The following GIGYF2 variants were observed in gnomAD, a reference collection of about 807,000 sequenced individuals.
GIGYF2 encodes GRB10 interacting GYF protein 2.
Under a neutral mutation model 208.1 loss-of-function variants are expected in GIGYF2, and 25 were observed. The ratio of observed to expected loss-of-function variants is 0.12; its 90% CI spans 0.09 to 0.17. The LOEUF is 0.17. GIGYF2 is among the 10% of genes least tolerant of loss of function. The pLI is 1.00. For synonymous variants in GIGYF2, 534 were observed against 543.8 expected (o/e 0.98, Z 0.25); for missense variants, 1,302 against 1,579.4 (o/e 0.82, Z 2.98).
chr2:232,797,362 G>A (rs1700253423), intron 14 of GIGYF2, among the ~76,000 whole-genome samples: 1 of 152,022 alleles, frequency 6.6e-6, no homozygotes, highest in South Asian at 2.1e-4. Context: ...TCTCTCCAAT[G>A]AATTAACTCC....
At chr2:232,855,080 CTTTTTTTTTTTTT>C (rs201395041) in intron 28 of GIGYF2, among the ~76,000 whole-genome samples, 2 of 109,180 alleles carry the variant, frequency 1.8e-5, no homozygotes, top group Non-Finnish European at 3.5e-5. Flanking sequence ...CTTTTTCTTT[CTTTTTTTTTTTTT>C]TTTTTTTTTT....
intron 4 of GIGYF2, 31 bp downstream of exon 4, chr2:232,747,775 T>C: frequency 6.2e-7 from 1 of 1,600,748 alleles, no homozygotes. Context: ...TTCAAAATTG[T>C]GAATGAGACT....
At position 232,806,720 on chromosome 2, in the gene GIGYF2, A is replaced by G. The variant is rs1205713668; in HGVS notation, c.1806+63A>G. On this transcript the variant is annotated intron_variant, in intron 15 of 28. Transcript: ENST00000373563. This position sits in a 1 kb window ranked among gnomAD's most constrained non-coding sequence, Gnocchi z 4.0. ...CACGGAAACACTTGATTCTCTTTGAAAACACAACCCAAATATATCATCTAA... is the reference window on the plus strand; with the variant it reads ...CACGGAAACACTTGATTCTCTTTGAGAACACAACCCAAATATATCATCTAA... The G allele has an allele frequency of 9.1e-7, 1 of 1,097,810 alleles. No individual in the cohort carries two copies. Among genetic ancestry groups the G allele is most frequent in the African/African-American group, 1.5e-5 (1 of 65,088 alleles). 68.0% of individuals were successfully genotyped at this position (1,097,810 alleles called of 1,614,324 possible).
rs113983754 is a variant in GIGYF2, at chr2:232,754,803, G to A, written c.268-1420G>A. 6.5e-4 allele frequency among the ~76,000 whole-genome samples: 99 copies of A among 151,574 alleles called. 1 individual carries two copies. The highest frequency in any genetic ancestry group is 2.0e-3 in the African/African-American group (82 of 41,346). On this transcript the variant is annotated intron_variant, in intron 5 of 28. Transcript: ENST00000373563. ...AATAGAAATATAATTTTTGAGTTTG[G>A]TGTCTTTTATTTTTAGTTGTCAAAT...
chr2:232,815,917 T>C, intron 19 of GIGYF2, 180 bp downstream of exon 19: 1 of 584,940 alleles, frequency 1.7e-6, no homozygotes, highest in Non-Finnish European at 3.1e-6. Flanking sequence ...AAAAAAAAAC[T>C]CAAAACAGAA....
chr2:232,839,909 A>G lies in GIGYF2; in HGVS notation c.2827A>G (p.Thr943Ala), dbSNP rs896207829. ...SNTTACQSQATLSLAEIQKLE... is the reference protein window; with the variant it reads ...SNTTACQSQAALSLAEIQKLE... ...TACAACAGCATGTCAGTCCCAGGCC[A>G]CGCTGTCGTTGGCTGAAATCCAAAA... The change falls in exon 23 of 29, where the codon ACG (threonine) becomes GCG (alanine). Residue 943 changes from threonine to alanine, a missense_variant. Coordinates refer to ENST00000373563, the MANE Select transcript of GIGYF2 (RefSeq NM_001103146.3). 1.2e-6 allele frequency: 2 copies of G among 1,614,012 alleles called. No homozygotes were observed. Among genetic ancestry groups the G allele is most frequent in the Non-Finnish European group, 8.5e-7 (1 of 1,179,886 alleles).
chr2:232,819,842 C>T lies in GIGYF2; in HGVS notation c.2386C>T (p.Arg796Cys), dbSNP rs766102116. 4.3e-5 allele frequency: 59 copies of T among 1,372,166 alleles called. No individual in the cohort carries two copies. The highest frequency in any genetic ancestry group is 1.8e-4 in the East Asian group (5 of 27,118). The allele number at this position is 1,372,166 out of a possible 1,614,324, so 85.0% of individuals were successfully genotyped here. Residue 796 changes from arginine to cysteine, a missense_variant, in exon 21 of 29, where the codon CGC (arginine) becomes TGC (cysteine). Arg to Cys is a radical substitution (Grantham distance 180). Transcript: ENST00000373563. ...TTTTCCTTAGGAAGAGGCTCTGCGTCGCCAGCGGGAGCAAGAAATTGCATT... is the reference window on the plus strand; with the variant it reads ...TTTTCCTTAGGAAGAGGCTCTGCGTTGCCAGCGGGAGCAAGAAATTGCATT... The part of the protein sequence containing the change: ...ARRKQEEALR[R>C]QREQEIALRR...
In GIGYF2 at chr2:232,787,315, G is replaced by C; in HGVS notation, c.698G>C (p.Arg233Pro). 1 of 1,613,812 alleles carries C rather than the reference G, an allele frequency of 6.2e-7. No homozygotes were observed. The highest frequency in any genetic ancestry group is 1.7e-5 in the Admixed American group (1 of 60,010). The change falls in exon 9 of 29, where the codon CGA becomes CCA. Residue 233 changes from arginine to proline, a missense_variant. By Grantham distance (103) the Arg-to-Pro change is moderately radical (BLOSUM62 -2). Coordinates refer to ENST00000373563, the MANE Select transcript of GIGYF2 (RefSeq NM_001103146.3). ...TCAAGGAGGGATGGAGAGAGGTGGC[G>C]ACCTCACAGTCCTGGTAAGAATTCT... ...AGSRRDGERWRPHSPDGPRSA... is the reference protein window; with the variant it reads ...AGSRRDGERWPPHSPDGPRSA...
chr2:232,706,626 A>T (rs1403721582), intron 2 of GIGYF2, among the ~76,000 whole-genome samples: 2 of 151,984 alleles, frequency 1.3e-5, no homozygotes, highest in Admixed American at 1.3e-4. Context: ...AAAAATACAA[A>T]AATTAGCCGG....
chr2:232,744,984 C>T (rs1267124492), intron 3 of GIGYF2, among the ~76,000 whole-genome samples: 1 of 152,116 alleles, frequency 6.6e-6, no homozygotes, highest in Non-Finnish European at 1.5e-5. Context: ...AGCTAGTTCA[C>T]GTGTGAAATT....
In GIGYF2 at chr2:232,756,269, C is replaced by T; in HGVS notation, c.314C>T (p.Thr105Ile). ...SVNSAAVLRL[T>I]GRGGGGTVVG... ...AATAGTGCTGCTGTCCTGCGATTGA[C>T]AGGACGAGGAGGAGGAGGAACAGTG... Residue 105 changes from threonine (T) to isoleucine (I), a missense_variant, in exon 6 of 29, where the codon ACA (threonine) becomes ATA (isoleucine). Around this residue, in one of 8 missense-constraint regions of GIGYF2, gnomAD observed 189 missense variants for 257.7 expected, o/e 0.73. Transcript: ENST00000373563. 1 of 1,573,056 alleles carries T rather than the reference C, an allele frequency of 6.4e-7. No homozygotes were observed. The highest frequency in any genetic ancestry group is 8.6e-7 in the Non-Finnish European group (1 of 1,165,004).
At chr2:232,770,489 A>G (rs912457217) in intron 8 of GIGYF2, among the ~76,000 whole-genome samples, 1 of 152,254 alleles carries the variant, frequency 6.6e-6, no homozygotes, top group Non-Finnish European at 1.5e-5. Context: ...CAGTGAAGAA[A>G]AAAAACCAAA....
intron 8 of GIGYF2, among the ~76,000 whole-genome samples, chr2:232,769,097 T>C (rs115509509): frequency 6.6e-6 from 1 of 152,140 alleles, no homozygotes; most frequent in Non-Finnish European, 1.5e-5. Context: ...AGTCAAAGAA[T>C]TGGTCATTTC....
intron 27 of GIGYF2, among the ~76,000 whole-genome samples, chr2:232,848,315 A>G (rs993949698): frequency 2.0e-5 from 3 of 152,136 alleles, no homozygotes; most frequent in African/African-American, 4.8e-5. Flanking sequence ...AGGAACAACA[A>G]CCAGTTCTTC....
chr2:232,728,121 A>AG (rs1697293166), intron 2 of GIGYF2, among the ~76,000 whole-genome samples: 1 of 152,038 alleles, frequency 6.6e-6, no homozygotes, highest in Admixed American at 6.6e-5. Context: ...ATTCTAAGGG[A>AG]GGGAGGTCAG....
intron 18 of GIGYF2, 151 bp downstream of exon 18, chr2:232,812,642 A>T: frequency 1.6e-6 from 1 of 616,958 alleles, no homozygotes; most frequent in Non-Finnish European, 2.9e-6. Flanking sequence ...GATCCAAGCA[A>T]TATTGAAGGT....
chr2:232,840,095 C>G (rs1701772774), intron 23 of GIGYF2, 124 bp downstream of exon 23: 1 of 1,013,332 alleles, frequency 9.9e-7, no homozygotes, highest in Non-Finnish European at 1.5e-6. Flanking sequence ...ATTGGACGTT[C>G]ATTATTAAAC....
chr2:232,723,009 A>G (rs1697013345), intron 2 of GIGYF2, among the ~76,000 whole-genome samples: 1 of 152,020 alleles, frequency 6.6e-6, no homozygotes. Context: ...TTTTGTAGAG[A>G]CAGGATCTTG....
chr2:232,755,618 G>C lies in GIGYF2; in HGVS notation c.268-605G>C, dbSNP rs189777154. Among the ~76,000 whole-genome samples, 10 of 152,202 alleles carry C rather than the reference G, an allele frequency of 6.6e-5. 1 individual carries two copies. In the South Asian group the frequency reaches 2.1e-3, roughly 32 times the overall value. ...ATGCAGGTTAATAACTGAGTGATTG[G>C]GTTTTACTTTAACTTATTAAGTATT... On this transcript the variant is annotated intron_variant, in intron 5 of 28. Coordinates refer to ENST00000373563, the MANE Select transcript of GIGYF2 (RefSeq NM_001103146.3).
Sources: allele counts gnomAD v4.1 joint callset (sites outside exome capture counted in the v4.1 genomes callset), GRCh38; gene constraint gnomAD v4.1.1; regional missense constraint gnomAD v4.1.1; non-coding constraint Gnocchi (gnomAD v3.1); transcripts MANE v1.5; gene names NCBI Gene and HGNC (gene_info 2026-07-23, HGNC 2026-07-21).